Variants in CERS1 observed in about 807,000 individuals in gnomAD.
CERS1 encodes the protein ceramide synthase 1, also known as Embryonic growth/differentiation factor 1.
Under a neutral mutation model 35.7 loss-of-function variants are expected in CERS1, and 16 were observed. The observed-to-expected ratio is 0.45, with a 90% CI of 0.30 to 0.68. The LOEUF (loss-of-function observed/expected upper bound fraction) is 0.68, where lower values mean the gene tolerates loss of function less well. CERS1 is among the 30% of genes least tolerant of loss of function. The probability of loss-of-function intolerance (pLI) is 0.08; values close to 1 mark genes in which losing one functional copy is unlikely to be tolerated. For missense variants in CERS1, 454 were observed against 453.9 expected (o/e 1.00, Z 0.00); for synonymous variants, 243 against 201.6 (o/e 1.21, Z -1.74).
chr19:18,896,083 C>T lies in CERS1; in HGVS notation c.-11G>A. 1 of 950,670 alleles carries T rather than the reference C, an allele frequency of 1.1e-6. No homozygotes were observed. Among genetic ancestry groups the T allele is most frequent in the Non-Finnish European group, 1.2e-6 (1 of 800,676 alleles). The allele number at this position is 950,670 out of a possible 1,614,324, so 58.9% of individuals were successfully genotyped here. On this transcript the variant is annotated 5_prime_UTR_variant, in exon 1 of 8. Coordinates refer to ENST00000623882, the MANE Select transcript of CERS1 (RefSeq NM_021267.5). This position sits in a 1 kb window ranked among gnomAD's most constrained non-coding sequence, Gnocchi z 5.9. ...CCCCGCCGCCGCCATACCGCCCGCT[C>T]GCCCGCCGTGCCCGTCGCCTGCGCC...
chr19:18,872,804 G>T (rs540175924), intron 6 of CERS1, among the ~76,000 whole-genome samples: 2 of 150,732 alleles, frequency 1.3e-5, no homozygotes, highest in East Asian at 3.9e-4. Context: ...CGTGAGCGCC[G>T]CGCCTGGCTA....
chr19:18,884,381 T>C, intron 2 of CERS1, 114 bp from the exon 3 acceptor site: 2 of 957,110 alleles, frequency 2.1e-6, no homozygotes, highest in East Asian at 5.3e-5. Context: ...CAGGTAACCA[T>C]GCGTGTCTGA....
chr19:18,868,993 G>A lies in CERS1; in HGVS notation c.*992C>T. 5.4e-6 allele frequency: 6 copies of A among 1,111,068 alleles called. No individual in the cohort carries two copies. Among genetic ancestry groups the A allele is most frequent in the Non-Finnish European group, 6.6e-6 (6 of 911,304 alleles). 68.8% of individuals were successfully genotyped at this position (1,111,068 alleles called of 1,614,324 possible). On this transcript the variant is annotated 3_prime_UTR_variant, in exon 8 of 8. Transcript: ENST00000623882. ...GGGCCAGGGGGTGGCACAGGCGCGG[G>A]TCGAGGGTCACCAGCAGCAGCGAGG...
At position 18,884,112 on chromosome 19, in the gene CERS1, G is replaced by A. The variant is rs376478291; in HGVS notation, c.565C>T (p.Leu189Phe). The change falls in exon 3 of 8, where the codon CTC becomes TTC. Residue 189 changes from leucine to phenylalanine, a missense_variant. By Grantham distance (22) the Leu-to-Phe change is conservative. Transcript: ENST00000623882. ...CGGAAGGCGTAGGAGGAGACGATGA[G>A]GATGAGAGTGACCACGTGGTGGAGC... The part of the protein sequence containing the change: ...MLLHHVVTLI[L>F]IVSSYAFRYH... 1.9e-6 allele frequency: 3 copies of A among 1,613,622 alleles called. No homozygotes were observed. Among genetic ancestry groups the A allele is most frequent in the Non-Finnish European group, 1.7e-6 (2 of 1,179,804 alleles).
chr19:18,884,003 C>G, intron 3 of CERS1, 84 bp downstream of exon 3: 1 of 1,434,278 alleles, frequency 7.0e-7, no homozygotes. Context: ...CCTCCACGGC[C>G]TCCTCTGTGC....
chr19:18,878,942 G>A lies in CERS1; in HGVS notation c.998C>T (p.Pro333Leu). 2 of 1,613,690 alleles carry A rather than the reference G, an allele frequency of 1.2e-6. No homozygotes were observed. Among genetic ancestry groups the A allele is most frequent in the Non-Finnish European group, 1.7e-6 (2 of 1,179,842 alleles). ...YDTAEAQSLK[P>L]SKAEKPLRNG... ...CCTCCACACTCACTCGGCTTTGCTGGGCTTCAGGCTCTGGGCCTCGGCTGT... is the reference window on the plus strand; with the variant it reads ...CCTCCACACTCACTCGGCTTTGCTGAGCTTCAGGCTCTGGGCCTCGGCTGT... Residue 333 changes from proline (P) to leucine (L), a missense_variant, in exon 6 of 8, where the codon CCC (proline) becomes CTC (leucine). Coordinates refer to ENST00000623882, the MANE Select transcript of CERS1 (RefSeq NM_021267.5). This position sits in a 1 kb window ranked among gnomAD's most constrained non-coding sequence, Gnocchi z 4.6.
chr19:18,872,538 G>GA, intron 6 of CERS1, among the ~76,000 whole-genome samples: 1 of 146,054 alleles, frequency 6.8e-6, no homozygotes, highest in Non-Finnish European at 1.5e-5. Context: ...TTTTTGAGAC[G>GA]AAGTCTCGCT....
chr19:18,875,188 A>G (rs2056038507), intron 6 of CERS1, among the ~76,000 whole-genome samples: 1 of 151,374 alleles, frequency 6.6e-6, no homozygotes, highest in African/African-American at 2.4e-5. Context: ...GTGGACTATG[A>G]TTGAGCCAGT....
intron 2 of CERS1, among the ~76,000 whole-genome samples, chr19:18,887,399 G>A (rs2056387662): frequency 1.3e-5 from 2 of 152,118 alleles, no homozygotes; most frequent in African/African-American, 4.8e-5. Flanking sequence ...CCTTTTGTGG[G>A]GGATGATAAT....
At position 18,883,982 on chromosome 19, in the gene CERS1, T is replaced by C. The variant is rs2056281791; in HGVS notation, c.590+105A>G. 3 of 1,265,546 alleles carry C rather than the reference T, an allele frequency of 2.4e-6. No individual in the cohort carries two copies. In the East Asian group the frequency reaches 7.6e-5, roughly 32 times the overall value. The allele number at this position is 1,265,546 out of a possible 1,614,324, so 78.4% of individuals were successfully genotyped here. Reference sequence around the variant, plus strand: ...CCTTGGAACCCTGAGCACTCCGACCTGATGTGATCCCCTCCACGGCCTCCT... The same window carrying C: ...CCTTGGAACCCTGAGCACTCCGACCCGATGTGATCCCCTCCACGGCCTCCT... On this transcript the variant is annotated intron_variant, in intron 3 of 7. Coordinates refer to ENST00000623882, the MANE Select transcript of CERS1 (RefSeq NM_021267.5).
chr19:18,889,894 G>A (rs533583970), intron 2 of CERS1, among the ~76,000 whole-genome samples: 1 of 152,272 alleles, frequency 6.6e-6, no homozygotes, highest in African/African-American at 2.4e-5. Context: ...CACCTCTAGG[G>A]TGGCAGCAAA....
intron 7 of CERS1, 93 bp from the exon 8 acceptor site, chr19:18,869,483 G>A (rs2055922437): frequency 1.1e-5 from 16 of 1,457,124 alleles, no homozygotes; most frequent in Non-Finnish European, 1.4e-5. Flanking sequence ...TGAACGCTGG[G>A]GCTCGGGGCG....
chr19:18,879,662 C>G (rs1568298269), intron 4 of CERS1, among the ~76,000 whole-genome samples: 1 of 149,702 alleles, frequency 6.7e-6, no homozygotes, highest in Non-Finnish European at 1.5e-5. Context: ...CCAGTCCCTC[C>G]CCTTCTCTGC....
chr19:18,869,492 C>T (rs1437691303), intron 7 of CERS1, 102 bp from the exon 8 acceptor site: 2 of 1,393,718 alleles, frequency 1.4e-6, no homozygotes, highest in East Asian at 3.1e-5. Flanking sequence ...GGGCTCGGGG[C>T]GCACCGTCTG....
At chr19:18,887,918 C>T (rs1370044556) in intron 2 of CERS1, among the ~76,000 whole-genome samples, 2 of 152,176 alleles carry the variant, frequency 1.3e-5, no homozygotes, top group Admixed American at 6.6e-5. Context: ...TCCCCATTCC[C>T]CTCCCCCAGC....
rs2055906573 is a variant in CERS1, at chr19:18,868,936, GC to G, written c.*1048del. The G allele has an allele frequency of 2.3e-6, 3 of 1,285,276 alleles. No individual in the cohort carries two copies. Among genetic ancestry groups the G allele is most frequent in the African/African-American group, 1.6e-5 (1 of 61,604 alleles). 79.6% of individuals were successfully genotyped at this position (1,285,276 alleles called of 1,614,324 possible). A position where few individuals can be genotyped will look rare whatever the true frequency, so the allele number is the denominator to read the frequency against. ...CGCGACAAGCGCCCCCGGGGCCGCC[GC>G]CCAACACGGGTTCGGCGTCGCGCCG... On this transcript the variant is annotated 3_prime_UTR_variant, in exon 8 of 8. Transcript: ENST00000623882.
rs1026938291 is a variant in CERS1, at chr19:18,896,043, CGGCCCCGCCGCG to C, written c.18_29del (p.Ala7_Pro10del). 4 of 988,562 alleles carry C rather than the reference CGGCCCCGCCGCG, an allele frequency of 4.0e-6. No individual in the cohort carries two copies. The highest frequency in any genetic ancestry group is 4.5e-5 in the South Asian group (1 of 22,036). The allele number at this position is 988,562 out of a possible 1,614,324, so 61.2% of individuals were successfully genotyped here. Reference sequence around the variant, plus strand: ...AGCTCGGCATGGGCTCGGGCCCCGTCGGCCCCGCCGCGGGCCCCGCCGCCGCCATACCGCCCG... The same window carrying C: ...AGCTCGGCATGGGCTCGGGCCCCGTCGGCCCCGCCGCCGCCATACCGCCCG... On this transcript the variant is annotated inframe_deletion, in exon 1 of 8. Coordinates refer to ENST00000623882, the MANE Select transcript of CERS1 (RefSeq NM_021267.5). The surrounding 1 kb of genome is among the most constrained non-coding windows in gnomAD (Gnocchi z 5.9).
At position 18,869,075 on chromosome 19, in the gene CERS1, C is replaced by A; in HGVS notation, c.*910G>T. On this transcript the variant is annotated 3_prime_UTR_variant, in exon 8 of 8. Transcript: ENST00000623882. Reference sequence around the variant, plus strand: ...CCGGGGGCGTAGCGCCAGCGCCAGGCGGAGGCTGCGCGGCCATGAGGCGTT... The same window carrying A: ...CCGGGGGCGTAGCGCCAGCGCCAGGAGGAGGCTGCGCGGCCATGAGGCGTT... 9.4e-7 allele frequency: 1 copy of A among 1,060,258 alleles called. No individual in the cohort carries two copies. Among genetic ancestry groups the A allele is most frequent in the Non-Finnish European group, 1.1e-6 (1 of 878,888 alleles). 65.7% of individuals were successfully genotyped at this position (1,060,258 alleles called of 1,614,324 possible).
intron 2 of CERS1, among the ~76,000 whole-genome samples, chr19:18,884,538 G>C (rs575601095): frequency 2.0e-5 from 3 of 151,702 alleles, no homozygotes; most frequent in Non-Finnish European, 4.4e-5. Context: ...CTCCTGAGTA[G>C]CTAGGACTAC....
Sources: allele counts gnomAD v4.1 joint callset (sites outside exome capture counted in the v4.1 genomes callset), GRCh38; gene constraint gnomAD v4.1.1; non-coding constraint Gnocchi (gnomAD v3.1); transcripts MANE v1.5; gene names NCBI Gene and HGNC (gene_info 2026-07-23, HGNC 2026-07-21).